GLE1: variants seen among roughly 807,000 people sequenced by gnomAD.
GLE1 encodes mRNA export factor GLE1.
In GLE1, 78 loss-of-function variants were observed where a neutral mutation model predicts 97.3. The ratio of observed to expected loss-of-function variants is 0.80; its 90% CI spans 0.67 to 0.97. The LOEUF is 0.97. GLE1 is among the 50% of genes least tolerant of loss of function. GLE1 has a pLI of 0.00. For missense variants in GLE1, 753 were observed against 857.5 expected, an observed-to-expected ratio of 0.88 and a Z score of 1.52; for synonymous variants, 302 against 313.4, an observed-to-expected ratio of 0.96 and a Z score of 0.39.
At chr9:128,526,043 T>C (rs1438980927) in intron 7 of GLE1, among the ~76,000 whole-genome samples, 1 of 152,042 alleles carries the variant, frequency 6.6e-6, no homozygotes, top group Non-Finnish European at 1.5e-5. Flanking sequence ...GGGGAGGGGA[T>C]GGAGATTTGC....
rs1847214195 is a variant in GLE1, at chr9:128,523,602, T to C, written c.653T>C (p.Leu218Pro). 6.2e-7 allele frequency: 1 copy of C among 1,613,970 alleles called. No individual in the cohort carries two copies. The highest frequency in any genetic ancestry group is 1.7e-5 in the Admixed American group (1 of 59,980). ...EHRHRAKILN[L>P]KLREAEQQRV... Reference sequence around the variant, plus strand: ...AGCCCTTTTCTACAGATTCTCAACCTGAAGCTGCGGGAAGCAGAGCAGCAG... The same window carrying C: ...AGCCCTTTTCTACAGATTCTCAACCCGAAGCTGCGGGAAGCAGAGCAGCAG... Residue 218 changes from leucine to proline, a missense_variant, in exon 6 of 16, where the codon CTG becomes CCG. Transcript: ENST00000309971.
At chr9:128,538,460 C>G (rs909353575) in intron 13 of GLE1, among the ~76,000 whole-genome samples, 1 of 151,908 alleles carries the variant, frequency 6.6e-6, no homozygotes, top group African/African-American at 2.4e-5. Flanking sequence ...GTCAGGAGTT[C>G]GAGCCCAGCT....
At chr9:128,516,461 AG>A (rs1846989981) in intron 3 of GLE1, among the ~76,000 whole-genome samples, 1 of 152,094 alleles carries the variant, frequency 6.6e-6, no homozygotes, top group Admixed American at 6.6e-5. Flanking sequence ...CTGGGACTAC[AG>A]GTGCCTGTCA....
At chr9:128,505,011 A>G (rs914968451) in intron 1 of GLE1, 107 bp downstream of exon 1, 12 of 739,402 alleles carry the variant, frequency 1.6e-5, no homozygotes, top group Non-Finnish European at 2.2e-5. Context: ...CAGTCTAACA[A>G]CCTGCATTTA....
Position 128,525,432 on chromosome 9 carries a change from C to T in GLE1, c.1129+9C>T, listed in dbSNP as rs1160343930. On this transcript the variant is annotated intron_variant, in intron 7 of 15. Coordinates refer to ENST00000309971, the MANE Select transcript of GLE1 (RefSeq NM_001003722.2). ...AGGGAAACAGAATGAAGGTGGGTTT[C>T]AGTATGGATGTGGTCCTTTAACTCG... 1 of 1,498,614 alleles carries T rather than the reference C, an allele frequency of 6.7e-7. No individual in the cohort carries two copies. The highest frequency in any genetic ancestry group is 1.2e-5 in the South Asian group (1 of 85,952). The allele number at this position is 1,498,614 out of a possible 1,614,324, so 92.8% of individuals were successfully genotyped here. A position where few individuals can be genotyped will look rare whatever the true frequency, so the allele number is the denominator to read the frequency against.
At position 128,542,172 on chromosome 9, in the gene GLE1, G is replaced by C. The variant is rs1019748251; in HGVS notation, c.*1002G>C. 5 of 152,250 alleles carry C rather than the reference G, an allele frequency of 3.3e-5. No individual in the cohort carries two copies. The allele number at this position is 152,250 out of a possible 1,614,324, so 9.4% of individuals were successfully genotyped here. ...TCTGTGCTAAATGTCTTGTGGCAGG[G>C]TGTGTTTGTGGGGGAGTGTTCACTG... On this transcript the variant is annotated 3_prime_UTR_variant, in exon 16 of 16. Coordinates refer to ENST00000309971, the MANE Select transcript of GLE1 (RefSeq NM_001003722.2).
intron 3 of GLE1, among the ~76,000 whole-genome samples, chr9:128,518,854 C>T (rs984750949): frequency 4.3e-5 from 6 of 140,980 alleles, no homozygotes; most frequent in Middle Eastern, 3.7e-3. Context: ...GGCGACAGAG[C>T]GAGACTCCAA....
chr9:128,512,919 G>A lies in GLE1; in HGVS notation c.322-2610G>A, dbSNP rs999100315. On this transcript the variant is annotated intron_variant, in intron 2 of 15. Coordinates refer to ENST00000309971, the MANE Select transcript of GLE1 (RefSeq NM_001003722.2). Reference sequence around the variant, plus strand: ...CCGCCTTGGCCTCCCAACATGCTGGGATTACAGGCATGAGCCACCGTGCCC... The same window carrying A: ...CCGCCTTGGCCTCCCAACATGCTGGAATTACAGGCATGAGCCACCGTGCCC... 6.6e-5 allele frequency among the ~76,000 whole-genome samples: 10 copies of A among 152,176 alleles called. 1 individual carries two copies. Among genetic ancestry groups the A allele is most frequent in the Admixed American group, 6.5e-4 (10 of 15,272 alleles).
chr9:128,518,296 C>T (rs1404086057), intron 3 of GLE1, among the ~76,000 whole-genome samples: 1 of 152,166 alleles, frequency 6.6e-6, no homozygotes, highest in East Asian at 1.9e-4. Context: ...CCTGTTGGCT[C>T]ACACCTGTAA....
Position 128,515,632 on chromosome 9 carries a change from A to C in GLE1, c.425A>C (p.Lys142Thr). 2 of 1,543,912 alleles carry C rather than the reference A, an allele frequency of 1.3e-6. No individual in the cohort carries two copies. The highest frequency in any genetic ancestry group is 1.8e-6 in the Non-Finnish European group (2 of 1,116,172). Reference sequence around the variant, plus strand: ...ATGTACGAACTGGTACACAGAATGAAAGGAACAGTAAGTGAACCCATGAAG... The same window carrying C: ...ATGTACGAACTGGTACACAGAATGACAGGAACAGTAAGTGAACCCATGAAG... ...VRMYELVHRMKGTEGLRLWQE... is the reference protein window; with the variant it reads ...VRMYELVHRMTGTEGLRLWQE... The change falls in exon 3 of 16, where the codon AAA becomes ACA. Residue 142 changes from lysine (K) to threonine (T), a missense_variant. Coordinates refer to ENST00000309971, the MANE Select transcript of GLE1 (RefSeq NM_001003722.2).
At chr9:128,528,218 A>G (rs1847365897) in intron 9 of GLE1, among the ~76,000 whole-genome samples, 1 of 151,022 alleles carries the variant, frequency 6.6e-6, no homozygotes, top group African/African-American at 2.4e-5. Context: ...GTTAGCCAGG[A>G]TGTTCTTAAT....
chr9:128,520,326 GTGTGTATATGTGTATA>G (rs57571577), intron 3 of GLE1, among the ~76,000 whole-genome samples: 1 of 147,082 alleles, frequency 6.8e-6, no homozygotes, highest in Non-Finnish European at 1.5e-5. Flanking sequence ...ATATGTATAT[GTGTGTATATGTGTATA>G]TGTGTATATA....
intron 11 of GLE1, among the ~76,000 whole-genome samples, chr9:128,535,292 G>A (rs907601349): frequency 4.0e-5 from 6 of 148,980 alleles, no homozygotes; most frequent in Admixed American, 1.3e-4. Flanking sequence ...CCGCCAAAGC[G>A]GGCGGATCAC....
chr9:128,511,241 C>T (rs1846811237), intron 2 of GLE1, among the ~76,000 whole-genome samples: 1 of 148,686 alleles, frequency 6.7e-6, no homozygotes, highest in South Asian at 2.1e-4. Context: ...TAAATAATAA[C>T]AACAAAATAA....
chr9:128,535,965 C>CTT (rs71381768), intron 11 of GLE1, among the ~76,000 whole-genome samples: 150,402 of 152,212 alleles, frequency 0.99, 74,331 homozygotes, highest in Middle Eastern at 1. Flanking sequence ...GACAGAGACT[C>CTT]TGTTTCCCAA....
intron 2 of GLE1, among the ~76,000 whole-genome samples, chr9:128,512,397 T>G (rs1846850992): frequency 6.6e-6 from 1 of 152,218 alleles, no homozygotes; most frequent in South Asian, 2.1e-4. Context: ...TTTACTGGTT[T>G]TGTTATTTTA....
intron 2 of GLE1, among the ~76,000 whole-genome samples, chr9:128,511,705 C>T (rs1307733207): frequency 1.2e-5 from 1 of 86,500 alleles, no homozygotes; most frequent in African/African-American, 4.3e-5. Flanking sequence ...GACTCCATCT[C>T]AAAAAAAAAA....
At chr9:128,529,694 C>T (rs367675461) in intron 9 of GLE1, among the ~76,000 whole-genome samples, 4 of 151,272 alleles carry the variant, frequency 2.6e-5, no homozygotes, top group African/African-American at 9.7e-5. Context: ...TTTCCTCTCT[C>T]TCTCTCCCTC....
chr9:128,531,995 A>G (rs1847527059), intron 9 of GLE1, among the ~76,000 whole-genome samples: 1 of 151,050 alleles, frequency 6.6e-6, no homozygotes, highest in Non-Finnish European at 1.5e-5. Context: ...GAGAGGCTAG[A>G]TGCTAGATGG....
Sources: gnomAD v4.1 joint callset for allele counts (sites outside exome capture counted in the v4.1 genomes callset) on GRCh38, gnomAD v4.1.1 for gene constraint, MANE v1.5 for transcripts, NCBI Gene and HGNC (gene_info 2026-07-23, HGNC 2026-07-21) for gene names.